SPAG16: variants seen among roughly 807,000 people sequenced by gnomAD.
SPAG16 encodes the protein sperm-associated antigen 16 protein.
In SPAG16, 86 loss-of-function variants were observed where a neutral mutation model predicts 80.4. The ratio of observed to expected loss-of-function variants is 1.07; its 90% CI spans 0.90 to 1.28. SPAG16 has a LOEUF of 1.28. Ranked by LOEUF, SPAG16 falls within the 50% of genes most tolerant of loss-of-function variation. SPAG16 has a pLI of 0.00. For missense variants in SPAG16, 870 were observed against 765.3 expected, an observed-to-expected ratio of 1.14 and a Z score of -1.61; for synonymous variants, 294 against 265.9, an observed-to-expected ratio of 1.11 and a Z score of -1.03.
At chr2:213,456,627 G>T (rs1457675192) in intron 9 of SPAG16, among the ~76,000 whole-genome samples, 1 of 151,336 alleles carries the variant, frequency 6.6e-6, no homozygotes, top group Non-Finnish European at 1.5e-5. Context: ...TTTTTCCTGA[G>T]TTGTCGGCTC....
chr2:214,117,346 T>TTTTTTTGTAGG (rs1350477086), intron 14 of SPAG16, among the ~76,000 whole-genome samples: 22 of 152,244 alleles, frequency 1.4e-4, no homozygotes, highest in African/African-American at 4.8e-4. Flanking sequence ...ATAAAGAAGT[T>TTTTTTTGTAGG]ACAGGATCCT....
chr2:213,880,186 A>G (rs12465723), intron 11 of SPAG16, among the ~76,000 whole-genome samples: 90,408 of 152,052 alleles, frequency 0.59, 28,756 homozygotes, highest in South Asian at 0.85. Flanking sequence ...GGTATGAAAT[A>G]GTATTTAATT....
intron 11 of SPAG16, among the ~76,000 whole-genome samples, chr2:213,921,712 G>A (rs1274204660): frequency 6.6e-6 from 1 of 152,162 alleles, no homozygotes; most frequent in Non-Finnish European, 1.5e-5. Context: ...AGGACCACTT[G>A]TAAGGCAGTT....
At chr2:213,595,885 T>G (rs1219912525) in intron 10 of SPAG16, among the ~76,000 whole-genome samples, 1 of 152,092 alleles carries the variant, frequency 6.6e-6, no homozygotes, top group Non-Finnish European at 1.5e-5. Context: ...TTGCATTCAT[T>G]ATCCAACAGT....
At chr2:213,540,433 GTGTGGATAT>G (rs2076406481) in intron 10 of SPAG16, among the ~76,000 whole-genome samples, 1 of 152,076 alleles carries the variant, frequency 6.6e-6, no homozygotes, top group Non-Finnish European at 1.5e-5. Flanking sequence ...GGGAATATCA[GTGTGGATAT>G]ACATTTATTA....
intron 12 of SPAG16, among the ~76,000 whole-genome samples, chr2:213,986,928 C>T (rs1198496773): frequency 9.6e-6 from 1 of 104,138 alleles, no homozygotes; most frequent in Non-Finnish European, 2.0e-5. Context: ...ATCTAAGAAA[C>T]TATCATATGT....
chr2:213,349,926 G>A (rs2065231492), intron 6 of SPAG16, among the ~76,000 whole-genome samples: 1 of 151,988 alleles, frequency 6.6e-6, no homozygotes, highest in African/African-American at 2.4e-5. Context: ...GAACTGTAAC[G>A]CTTAAGAGCT....
chr2:213,813,726 C>A (rs1460368829), intron 10 of SPAG16, among the ~76,000 whole-genome samples: 2 of 152,146 alleles, frequency 1.3e-5, no homozygotes, highest in Admixed American at 6.5e-5. Flanking sequence ...GGAAAAATTC[C>A]TTTGAGTTCA....
chr2:213,434,287 C>T (rs2070491076), intron 9 of SPAG16, among the ~76,000 whole-genome samples: 1 of 152,078 alleles, frequency 6.6e-6, no homozygotes, highest in African/African-American at 2.4e-5. Flanking sequence ...TAAAACTAGA[C>T]TCCTATCTCT....
chr2:213,363,989 C>G (rs563806725), intron 7 of SPAG16, 87 bp from the exon 8 acceptor site: 25 of 463,966 alleles, frequency 5.4e-5, no homozygotes, highest in Non-Finnish European at 8.1e-5. Flanking sequence ...TTATATTTTA[C>G]AATGGATATT....
intron 10 of SPAG16, among the ~76,000 whole-genome samples, chr2:213,821,554 A>G (rs1414112200): frequency 6.6e-6 from 1 of 152,200 alleles, no homozygotes; most frequent in African/African-American, 2.4e-5. Flanking sequence ...TTGTGTTACA[A>G]TCAATTTATG....
chr2:213,668,500 A>G (rs1345525017), intron 10 of SPAG16, among the ~76,000 whole-genome samples: 1 of 152,166 alleles, frequency 6.6e-6, no homozygotes, highest in East Asian at 1.9e-4. Flanking sequence ...AGATAGATTG[A>G]ATTTTATTAA....
intron 10 of SPAG16, among the ~76,000 whole-genome samples, chr2:213,857,494 C>T (rs1209927503): frequency 6.6e-6 from 1 of 152,056 alleles, no homozygotes; most frequent in East Asian, 1.9e-4. Flanking sequence ...GATGACAGCC[C>T]ATCTGTTTAC....
chr2:214,385,715 G>A (rs763125906), intron 15 of SPAG16, among the ~76,000 whole-genome samples: 20 of 152,044 alleles, frequency 1.3e-4, no homozygotes, highest in African/African-American at 2.4e-4. Context: ...GTGGTGGCAC[G>A]CACCTGTAGT....
At chr2:213,860,429 C>CAGA (rs1284932734) in intron 10 of SPAG16, among the ~76,000 whole-genome samples, 24 of 27,050 alleles carry the variant, frequency 8.9e-4, no homozygotes, top group Non-Finnish European at 2.2e-3. Flanking sequence ...GTGTGTATAT[C>CAGA]TATATATTTA....
intron 10 of SPAG16, among the ~76,000 whole-genome samples, chr2:213,818,597 G>T (rs1286666700): frequency 1.3e-5 from 2 of 151,934 alleles, no homozygotes; most frequent in African/African-American, 4.8e-5. Flanking sequence ...AACCCTCAGA[G>T]ATGGTGAAAA....
intron 15 of SPAG16, among the ~76,000 whole-genome samples, chr2:214,166,865 GAAAA>G (rs1330970332): frequency 6.6e-6 from 1 of 152,218 alleles, no homozygotes; most frequent in East Asian, 1.9e-4. Context: ...ACATGAAAGA[GAAAA>G]AATGAAAATA....
intron 10 of SPAG16, among the ~76,000 whole-genome samples, chr2:213,707,143 T>G (rs1050100471): frequency 1.3e-5 from 2 of 152,224 alleles, no homozygotes; most frequent in African/African-American, 4.8e-5. Context: ...GCAAAGATTA[T>G]TAGGCACCAT....
rs1374065203 is a variant in SPAG16 at position 213,329,247 on chromosome 2, G to T, written c.537-10916G>T. Among the ~76,000 whole-genome samples the T allele has an allele frequency of 4.6e-5, 7 of 152,318 alleles. No individual in the cohort carries two copies. In the South Asian group the frequency reaches 8.3e-4, roughly 18 times the overall value. ...CTTTAGAACTGGGTAACAGGCAGAG[G>T]TTGGAACAGTTTGGAGGGCTCAGAA... On this transcript the variant is annotated intron_variant, in intron 5 of 15. Transcript: ENST00000331683.
Sources: gnomAD v4.1 joint callset for allele counts (sites outside exome capture counted in the v4.1 genomes callset) on GRCh38, gnomAD v4.1.1 for gene constraint, MANE v1.5 for transcripts, NCBI Gene and HGNC (gene_info 2026-07-23, HGNC 2026-07-21) for gene names.